DNAJC5B: variants seen among roughly 807,000 people sequenced by gnomAD.
The protein encoded by DNAJC5B is DnaJ heat shock protein family (Hsp40) member C5 beta.
DNAJC5B carries 23 observed loss-of-function variants against 24.7 expected under a neutral mutation model. That is an observed-to-expected ratio of 0.93 (90% CI 0.67 to 1.32). DNAJC5B has a LOEUF of 1.32. DNAJC5B is among the 40% of genes most tolerant of loss of function. DNAJC5B has a pLI of 0.00. For synonymous variants in DNAJC5B, 101 were observed against 90.1 expected (o/e 1.12, Z -0.68); for missense variants, 238 against 240.8 (o/e 0.99, Z 0.08).
At chr8:66,016,396 G>A in the DNAJC5B span, among the ~76,000 whole-genome samples, 1 of 152,098 alleles carries the variant, frequency 6.6e-6, no homozygotes, top group Non-Finnish European at 1.5e-5. Context: ...GGTTTTATAA[G>A]CGTCCGGCAT....
At chr8:66,080,864 T>G (rs2128964755) in intron 5 of DNAJC5B, among the ~76,000 whole-genome samples, 1 of 152,266 alleles carries the variant, frequency 6.6e-6, no homozygotes, top group East Asian at 1.9e-4. Flanking sequence ...TGGGTGAGAA[T>G]GCTCAGGGCA....
At chr8:66,062,721 G>A (rs546502253) in intron 3 of DNAJC5B, among the ~76,000 whole-genome samples, 1 of 152,334 alleles carries the variant, frequency 6.6e-6, no homozygotes, top group Non-Finnish European at 1.5e-5. Context: ...CAGTAATTTA[G>A]GAGGCTGAAG....
intron 1 of DNAJC5B, among the ~76,000 whole-genome samples, chr8:66,040,169 A>T (rs934668426): frequency 6.6e-6 from 1 of 152,178 alleles, no homozygotes; most frequent in South Asian, 2.1e-4. Context: ...AGGCAGGCGT[A>T]TCATGAGGTC....
At chr8:66,017,310 TTAA>T (rs1359386129), upstream of DNAJC5B, among the ~76,000 whole-genome samples, 1 of 152,246 alleles carries the variant, frequency 6.6e-6, no homozygotes, top group Non-Finnish European at 1.5e-5. Flanking sequence ...ACATTTTCTT[TTAA>T]TAATGTCATT....
At chr8:66,052,496 AT>A (rs1674608626) in intron 3 of DNAJC5B, among the ~76,000 whole-genome samples, 1 of 152,232 alleles carries the variant, frequency 6.6e-6, no homozygotes, top group Non-Finnish European at 1.5e-5. Context: ...CAACCCAAAC[AT>A]ATGAGAGAAG....
intron 3 of DNAJC5B, among the ~76,000 whole-genome samples, chr8:66,066,773 C>T (rs1023626207): frequency 7.9e-5 from 12 of 152,100 alleles, no homozygotes; most frequent in African/African-American, 2.9e-4. Flanking sequence ...GTATACTACT[C>T]AGGTGTTGGA....
intron 1 of DNAJC5B, among the ~76,000 whole-genome samples, chr8:66,036,554 A>C (rs1806488936): frequency 6.6e-6 from 1 of 152,134 alleles, no homozygotes; most frequent in Admixed American, 6.5e-5. Context: ...TTTCCTCGGC[A>C]GCTCTCGTCA....
chr8:66,038,753 G>C (rs927693342), intron 1 of DNAJC5B, among the ~76,000 whole-genome samples: 2 of 152,126 alleles, frequency 1.3e-5, no homozygotes, highest in African/African-American at 4.8e-5. Context: ...CAAAATCAGG[G>C]ATCAAGGTTC....
chr8:66,043,561 G>C lies in DNAJC5B; in HGVS notation c.-68G>C, dbSNP rs1003843094. On this transcript the variant is annotated 5_prime_UTR_variant, in exon 2 of 6. The change abolishes an upstream ATG in the 5' untranslated region. Transcript: ENST00000276570. ...TCTATTGACCTGCTTAACCCTGCATGGGGGGGAAGGATGGAAAGGAGCAGC... is the reference window on the plus strand; with the variant it reads ...TCTATTGACCTGCTTAACCCTGCATCGGGGGGAAGGATGGAAAGGAGCAGC... The C allele has an allele frequency of 6.6e-6, 1 of 152,152 alleles. No homozygotes were observed. The highest frequency in any genetic ancestry group is 2.4e-5 in the African/African-American group (1 of 41,422). 9.4% of individuals were successfully genotyped at this position (152,152 alleles called of 1,614,324 possible).
intron 1 of DNAJC5B, among the ~76,000 whole-genome samples, chr8:66,026,582 A>C (rs907498382): frequency 2.6e-5 from 4 of 152,258 alleles, no homozygotes; most frequent in African/African-American, 9.6e-5. Context: ...GATCTCCGAC[A>C]CGCGCAGGAC....
intron 1 of DNAJC5B, among the ~76,000 whole-genome samples, chr8:66,034,403 TG>T (rs1806434613): frequency 6.6e-6 from 1 of 150,628 alleles, no homozygotes; most frequent in South Asian, 2.1e-4. Context: ...TTGGCTGGGG[TG>T]GTGGATAGAG....
chr8:66,055,805 G>A (rs373192589), intron 3 of DNAJC5B, among the ~76,000 whole-genome samples: 1 of 152,146 alleles, frequency 6.6e-6, no homozygotes. Flanking sequence ...AGCTGGGCGT[G>A]GTGACGCATG....
At chr8:66,096,910 T>C (rs935376490) in intron 5 of DNAJC5B, among the ~76,000 whole-genome samples, 4 of 152,152 alleles carry the variant, frequency 2.6e-5, no homozygotes, top group Non-Finnish European at 4.4e-5. Flanking sequence ...AGAAATAGTC[T>C]TGAAGAGAAC....
At chr8:66,094,975 T>C (rs906636154) in intron 5 of DNAJC5B, among the ~76,000 whole-genome samples, 1 of 152,234 alleles carries the variant, frequency 6.6e-6, no homozygotes, top group East Asian at 1.9e-4. Flanking sequence ...CTTCATGTAT[T>C]GACTATTGTA....
chr8:66,030,280 C>A (rs1224149219), intron 1 of DNAJC5B, among the ~76,000 whole-genome samples: 1 of 152,166 alleles, frequency 6.6e-6, no homozygotes, highest in Non-Finnish European at 1.5e-5. Flanking sequence ...TCCTTTGACA[C>A]CTTCCTGGGC....
chr8:66,085,419 G>A (rs1807699717), intron 5 of DNAJC5B, among the ~76,000 whole-genome samples: 1 of 152,062 alleles, frequency 6.6e-6, no homozygotes, highest in Admixed American at 6.6e-5. Context: ...CAGCCTGGGT[G>A]ATAGAGCAAG....
intron 3 of DNAJC5B, among the ~76,000 whole-genome samples, chr8:66,055,733 A>G (rs1318750460): frequency 6.6e-6 from 1 of 152,150 alleles, no homozygotes; most frequent in Non-Finnish European, 1.5e-5. Context: ...ACTTGAGGTC[A>G]GGAGTTTGAG....
chr8:66,082,347 A>G (rs1223224009), intron 5 of DNAJC5B, among the ~76,000 whole-genome samples: 1 of 151,910 alleles, frequency 6.6e-6, no homozygotes, highest in Non-Finnish European at 1.5e-5. Flanking sequence ...GATATCCCCA[A>G]TCCAGTGTTT....
At chr8:66,041,619 T>C (rs1287719804) in intron 1 of DNAJC5B, among the ~76,000 whole-genome samples, 1 of 152,214 alleles carries the variant, frequency 6.6e-6, no homozygotes, top group African/African-American at 2.4e-5. Flanking sequence ...TTGGAAGATA[T>C]ACTAAGTTCT....
Sources: gnomAD v4.1 joint callset for allele counts (sites outside exome capture counted in the v4.1 genomes callset) on GRCh38, gnomAD v4.1.1 for gene constraint, MANE v1.5 for transcripts, NCBI Gene and HGNC (gene_info 2026-07-23, HGNC 2026-07-21) for gene names.